RALGAPA2: variants seen among roughly 807,000 people sequenced by gnomAD.
RALGAPA2 encodes ral GTPase-activating protein subunit alpha-2.
In RALGAPA2, 139 loss-of-function variants were observed where a neutral mutation model predicts 230.4. That is an observed-to-expected ratio of 0.60 (90% CI 0.53 to 0.69). The LOEUF is 0.69. Among genes scored for constraint, RALGAPA2 ranks in the 30% least tolerant of loss-of-function variants. RALGAPA2 has a pLI of 0.00. For synonymous variants in RALGAPA2, 847 were observed against 837.8 expected (o/e 1.01, Z -0.19); for missense variants, 2,163 against 2,276.0 (o/e 0.95, Z 1.01).
Position 20,611,323 on chromosome 20 carries a change from G to T in RALGAPA2, c.1792C>A (p.Leu598Ile). The T allele has an allele frequency of 6.2e-7, 1 of 1,610,180 alleles. No homozygotes were observed. Among genetic ancestry groups the T allele is most frequent in the Non-Finnish European group, 8.5e-7 (1 of 1,177,676 alleles). The part of the protein sequence containing the change: ...DLFAQSLAGL[L>I]FRTLMVAWIR... ...TCATAAAAAAGACTTACCCTAAATA[G>T]TAACCCTGCCAAGCTCTGGGCAAAC... The change falls in exon 14 of 40, where the codon CTA becomes ATA. Residue 598 changes from leucine (L) to isoleucine (I), a missense_variant. Coordinates refer to ENST00000202677, the MANE Select transcript of RALGAPA2 (RefSeq NM_020343.4).
intron 37 of RALGAPA2, among the ~76,000 whole-genome samples, chr20:20,464,950 AAGAG>A (rs1398138190): frequency 1.3e-5 from 2 of 152,196 alleles, no homozygotes; most frequent in Non-Finnish European, 2.9e-5. Context: ...AAAAATGGAA[AAGAG>A]AGAGTTAATG....
chr20:20,480,084 T>G (rs1022255200), intron 36 of RALGAPA2, among the ~76,000 whole-genome samples: 7 of 152,242 alleles, frequency 4.6e-5, no homozygotes, highest in African/African-American at 1.7e-4. Flanking sequence ...GATGTTAGTT[T>G]AAATAAATGA....
Position 20,477,836 on chromosome 20 carries a change from C to A in RALGAPA2, c.5368-4880G>T, listed in dbSNP as rs538379587. On this transcript the variant is annotated intron_variant, in intron 36 of 39. Transcript: ENST00000202677. ...TTCCTGGCCTCAAGTGATCCATGCACCTCAGCCTCCCACAGTGCTGGGATA... is the reference window on the plus strand; with the variant it reads ...TTCCTGGCCTCAAGTGATCCATGCAACTCAGCCTCCCACAGTGCTGGGATA... Among the ~76,000 whole-genome samples, 160 of 152,294 alleles carry A rather than the reference C, an allele frequency of 1.1e-3. 1 individual carries two copies. Among genetic ancestry groups the A allele is most frequent in the African/African-American group, 3.7e-3 (153 of 41,558 alleles).
At chr20:20,422,992 T>C (rs2060309452) in intron 37 of RALGAPA2, among the ~76,000 whole-genome samples, 1 of 152,146 alleles carries the variant, frequency 6.6e-6, no homozygotes, top group African/African-American at 2.4e-5. Flanking sequence ...TCCGAAGGTT[T>C]TAAAACAGAT....
intron 18 of RALGAPA2, among the ~76,000 whole-genome samples, chr20:20,587,130 C>T (rs1172944202): frequency 6.6e-6 from 1 of 151,906 alleles, no homozygotes; most frequent in Non-Finnish European, 1.5e-5. Flanking sequence ...CCTAAATATA[C>T]TATAGTGAAA....
At chr20:20,607,094 G>T (rs1489221717) in intron 14 of RALGAPA2, among the ~76,000 whole-genome samples, 1 of 152,120 alleles carries the variant, frequency 6.6e-6, no homozygotes, top group Non-Finnish European at 1.5e-5. Context: ...ATGCAAATAG[G>T]CTCCCACTCT....
rs746676966 is a variant in RALGAPA2, at chr20:20,513,182, G to A, written c.4187C>T (p.Ala1396Val). The A allele has an allele frequency of 1.9e-5, 29 of 1,533,862 alleles. 1 individual carries two copies. The South Asian group carries it at 3.8e-4, about 20-fold the overall frequency. Residue 1396 changes from alanine to valine, a missense_variant, in exon 32 of 40, where the codon GCC becomes GTC. By Grantham distance (64) the Ala-to-Val change is moderately conservative. Coordinates refer to ENST00000202677, the MANE Select transcript of RALGAPA2 (RefSeq NM_020343.4). Reference sequence around the variant, plus strand: ...CTCGCTGACAAGGCTGTGCAGTATGGCAGGGCCCCCACTGAGGGGGTAGTG... The same window carrying A: ...CTCGCTGACAAGGCTGTGCAGTATGACAGGGCCCCCACTGAGGGGGTAGTG... The part of the protein sequence containing the change: ...LGHYPLSGGP[A>V]ILHSLVSENH...
chr20:20,693,308 A>C (rs2068983957), intron 1 of RALGAPA2, among the ~76,000 whole-genome samples: 1 of 152,248 alleles, frequency 6.6e-6, no homozygotes, highest in African/African-American at 2.4e-5. Context: ...TTTTTAACAG[A>C]TATCAAATAC....
intron 6 of RALGAPA2, 46 bp downstream of exon 6, chr20:20,640,655 A>C: frequency 1.3e-6 from 2 of 1,510,534 alleles, no homozygotes; most frequent in African/African-American, 1.4e-5. Flanking sequence ...CCTCAATGTA[A>C]GTTCAAGAGT....
At position 20,533,282 on chromosome 20, in the gene RALGAPA2, T is replaced by A. The variant is rs552948737; in HGVS notation, c.3474-1487A>T. Among the ~76,000 whole-genome samples the A allele has an allele frequency of 2.0e-5, 3 of 152,044 alleles. No individual in the cohort carries two copies. In the South Asian group the frequency reaches 6.2e-4, roughly 31 times the overall value. Reference sequence around the variant, plus strand: ...GATAAAATTACAAAATCTGGATATATACAGTTTTTGCATAGACATCTAAAA... The same window carrying A: ...GATAAAATTACAAAATCTGGATATAAACAGTTTTTGCATAGACATCTAAAA... On this transcript the variant is annotated intron_variant, in intron 26 of 39. Coordinates refer to ENST00000202677, the MANE Select transcript of RALGAPA2 (RefSeq NM_020343.4).
At chr20:20,708,986 A>C (rs77597911) in intron 1 of RALGAPA2, among the ~76,000 whole-genome samples, 1 of 151,894 alleles carries the variant, frequency 6.6e-6, no homozygotes, top group African/African-American at 2.4e-5. Context: ...GCTCAAGACC[A>C]GCCTGGGCAA....
chr20:20,392,750 G>T lies in RALGAPA2; in HGVS notation c.*539C>A, dbSNP rs1010486625. ...GTAAACCATAAATCCTAACATAAAAGGAACTAGCAAAATCAATGCAGATCA... is the reference window on the plus strand; with the variant it reads ...GTAAACCATAAATCCTAACATAAAATGAACTAGCAAAATCAATGCAGATCA... On this transcript the variant is annotated 3_prime_UTR_variant, in exon 40 of 40. Transcript: ENST00000202677. The T allele has an allele frequency of 3.7e-5, 6 of 162,256 alleles. No individual in the cohort carries two copies. The highest frequency in any genetic ancestry group is 1.2e-4 in the African/African-American group (5 of 41,506). 10.1% of individuals were successfully genotyped at this position (162,256 alleles called of 1,614,324 possible). A position where few individuals can be genotyped will look rare whatever the true frequency, so the allele number is the denominator to read the frequency against.
At chr20:20,587,602 A>G (rs555029661) in intron 18 of RALGAPA2, among the ~76,000 whole-genome samples, 2 of 152,216 alleles carry the variant, frequency 1.3e-5, no homozygotes, top group East Asian at 3.9e-4. Flanking sequence ...TGTAGTTGAG[A>G]CTTTTAAAAA....
At chr20:20,525,003 C>T (rs189275335) in intron 28 of RALGAPA2, 105 bp from the exon 29 acceptor site, 5 of 947,094 alleles carry the variant, frequency 5.3e-6, no homozygotes, top group Admixed American at 5.5e-5. Flanking sequence ...CAGCTTGGTG[C>T]CAACTCACCA....
In RALGAPA2 at chr20:20,590,157, C is replaced by T. The variant is rs1311636623; in HGVS notation, c.2342-792G>A. 2.6e-5 allele frequency among the ~76,000 whole-genome samples: 4 copies of T among 151,912 alleles called. No homozygotes were observed. The South Asian group carries it at 6.2e-4, about 24-fold the overall frequency. ...ACTCTCTTAGCAATTTTCAAGAATA[C>T]AATACACTGTTACAAATTACAGTCA... On this transcript the variant is annotated intron_variant, in intron 17 of 39. Coordinates refer to ENST00000202677, the MANE Select transcript of RALGAPA2 (RefSeq NM_020343.4).
intron 24 of RALGAPA2, among the ~76,000 whole-genome samples, chr20:20,537,187 G>C (rs1354261937): frequency 6.6e-6 from 1 of 152,172 alleles, no homozygotes; most frequent in African/African-American, 2.4e-5. Flanking sequence ...GTAACTATCG[G>C]AGAGTAGAAA....
intron 10 of RALGAPA2, among the ~76,000 whole-genome samples, chr20:20,627,663 T>A (rs1194680708): frequency 1.3e-5 from 2 of 152,264 alleles, no homozygotes; most frequent in Non-Finnish European, 1.5e-5. Context: ...ACACTTTCTG[T>A]GCAGCAGAGG....
intron 1 of RALGAPA2, among the ~76,000 whole-genome samples, chr20:20,708,170 A>G (rs1389906029): frequency 2.0e-5 from 3 of 152,214 alleles, no homozygotes; most frequent in Non-Finnish European, 2.9e-5. Flanking sequence ...AAATACATGG[A>G]GTTAAATAAA....
At chr20:20,514,897 G>A (rs547938643) in intron 31 of RALGAPA2, among the ~76,000 whole-genome samples, 92 of 152,294 alleles carry the variant, frequency 6.0e-4, no homozygotes, top group African/African-American at 2.2e-3. Context: ...GTGCCCCTCT[G>A]CCTGTGCAGA....
Sources: allele counts gnomAD v4.1 joint callset (sites outside exome capture counted in the v4.1 genomes callset), GRCh38; gene constraint gnomAD v4.1.1; transcripts MANE v1.5; gene names NCBI Gene and HGNC (gene_info 2026-07-23, HGNC 2026-07-21).